Variants in CNTN5 observed in about 807,000 individuals in gnomAD.
CNTN5 encodes the protein contactin 5.
CNTN5 carries 77 observed loss-of-function variants against 129.1 expected under a neutral mutation model. The ratio of observed to expected loss-of-function variants is 0.60; its 90% CI spans 0.50 to 0.72. CNTN5 has a LOEUF of 0.72. Among genes scored for constraint, CNTN5 ranks in the 30% least tolerant of loss-of-function variants. The probability of loss-of-function intolerance (pLI) is 0.00; values close to 1 mark genes in which losing one functional copy is unlikely to be tolerated. For synonymous variants in CNTN5, 509 were observed against 465.6 expected (o/e 1.09, Z -1.20); for missense variants, 1,478 against 1,328.8 (o/e 1.11, Z -1.75).
intron 13 of CNTN5, among the ~76,000 whole-genome samples, chr11:100,182,266 C>T (rs1019811506): frequency 6.6e-5 from 10 of 152,028 alleles, no homozygotes; most frequent in Non-Finnish European, 1.3e-4. Flanking sequence ...ATATTTATAT[C>T]TCATAGTTCT....
chr11:99,322,104 T>C (rs1865598528), intron 1 of CNTN5, among the ~76,000 whole-genome samples: 1 of 152,164 alleles, frequency 6.6e-6, no homozygotes, highest in African/African-American at 2.4e-5. Context: ...TAAAACAGAA[T>C]ACCGCAGACT....
rs756775431 is a variant in CNTN5, at chr11:100,350,832, G to T, written c.3161G>T (p.Gly1054Val). ...CGAGCATATAGTGAAGGAGGAGATG[G>T]AACAGCTAGTTCTCAAATTAGGGTA... ...EVRAYSEGGD[G>V]TASSQIRVPS... is the part of the protein sequence containing the mutation. The change falls in exon 24 of 25, where the codon GGA becomes GTA. Residue 1054 changes from glycine to valine, a missense_variant. Transcript: ENST00000524871. 1 of 1,596,256 alleles carries T rather than the reference G, an allele frequency of 6.3e-7. No individual in the cohort carries two copies. The highest frequency in any genetic ancestry group is 8.6e-7 in the Non-Finnish European group (1 of 1,169,480).
At chr11:99,289,066 A>G (rs192352249) in intron 1 of CNTN5, among the ~76,000 whole-genome samples, 100 of 151,902 alleles carry the variant, frequency 6.6e-4, no homozygotes, top group African/African-American at 1.9e-3. Flanking sequence ...TTATTTTCCG[A>G]TTCTCAATTC....
chr11:99,904,582 A>G (rs1036557477), intron 6 of CNTN5, among the ~76,000 whole-genome samples: 11 of 152,156 alleles, frequency 7.2e-5, no homozygotes, highest in Non-Finnish European at 8.8e-5. Context: ...TGCTACTGTG[A>G]ATAGTGCTGC....
intron 3 of CNTN5, among the ~76,000 whole-genome samples, chr11:99,669,789 A>C (rs1363930738): frequency 2.6e-5 from 4 of 152,124 alleles, no homozygotes; most frequent in Non-Finnish European, 5.9e-5. Flanking sequence ...TCCCTAAGCC[A>C]AGTATTTAAG....
At chr11:100,221,983 T>C (rs1376883459) in intron 15 of CNTN5, among the ~76,000 whole-genome samples, 1 of 152,202 alleles carries the variant, frequency 6.6e-6, no homozygotes, top group African/African-American at 2.4e-5. Flanking sequence ...AACTGCATAC[T>C]GTGAGCTGAG....
intron 7 of CNTN5, among the ~76,000 whole-genome samples, chr11:99,955,672 C>T (rs1027916031): frequency 1.3e-5 from 2 of 152,022 alleles, no homozygotes; most frequent in Non-Finnish European, 2.9e-5. Context: ...CATTCTCCTG[C>T]CTCAGCCTCC....
chr11:99,342,524 C>T (rs1866558430), intron 2 of CNTN5, among the ~76,000 whole-genome samples: 1 of 125,972 alleles, frequency 7.9e-6, no homozygotes, highest in African/African-American at 3.5e-5. Flanking sequence ...CACTTGAGTC[C>T]AGGAGTTCAA....
chr11:99,934,916 A>G (rs1253847010), intron 7 of CNTN5, among the ~76,000 whole-genome samples: 7,389 of 28,312 alleles, frequency 0.26, 561 homozygotes, highest in East Asian at 0.43. Flanking sequence ...ATATATATAT[A>G]TATATATATA....
At chr11:99,992,261 A>C (rs1939150746) in intron 8 of CNTN5, among the ~76,000 whole-genome samples, 1 of 152,220 alleles carries the variant, frequency 6.6e-6, no homozygotes, top group Admixed American at 6.5e-5. Context: ...ATGCAACAAC[A>C]GGTATTTCAT....
At chr11:99,033,332 G>A (rs983717007) in intron 1 of CNTN5, among the ~76,000 whole-genome samples, 1 of 152,126 alleles carries the variant, frequency 6.6e-6, no homozygotes, top group Non-Finnish European at 1.5e-5. Context: ...GATGGGAGTG[G>A]CATTGAATCT....
At chr11:99,333,360 T>A (rs1157006397) in intron 2 of CNTN5, among the ~76,000 whole-genome samples, 1 of 152,130 alleles carries the variant, frequency 6.6e-6, no homozygotes, top group African/African-American at 2.4e-5. Context: ...AGCTTAAAAA[T>A]TGTAGTTGCT....
At chr11:100,018,463 T>G (rs1940950025) in intron 9 of CNTN5, among the ~76,000 whole-genome samples, 2 of 151,988 alleles carry the variant, frequency 1.3e-5, no homozygotes, top group Admixed American at 1.3e-4. Flanking sequence ...TTTAGAATTA[T>G]TATCTTAAGA....
intron 8 of CNTN5, among the ~76,000 whole-genome samples, chr11:99,968,671 T>C (rs1345200746): frequency 3.0e-5 from 4 of 135,484 alleles, no homozygotes; most frequent in Non-Finnish European, 4.7e-5. Flanking sequence ...TTTTTTTTTT[T>C]TTTTTTTTTT....
chr11:99,907,693 T>C (rs1466864139), intron 6 of CNTN5, among the ~76,000 whole-genome samples: 30 of 151,976 alleles, frequency 2.0e-4, no homozygotes, highest in Admixed American at 2.0e-3. Flanking sequence ...TTAATAGATA[T>C]ATATGACACA....
At position 99,947,464 on chromosome 11, in the gene CNTN5, C is replaced by T. The variant is rs146082359; in HGVS notation, c.674-9342C>T. On this transcript the variant is annotated intron_variant, in intron 7 of 24. Coordinates refer to ENST00000524871, the MANE Select transcript of CNTN5 (RefSeq NM_014361.4). ...ACTATTTCTTCATGGTGCATGGCAA[C>T]GTGACAAATAAATTACCTTCATTAA... Among the ~76,000 whole-genome samples the T allele has an allele frequency of 2.6e-3, 391 of 151,422 alleles. 2 individuals carry two copies. Among genetic ancestry groups the T allele is most frequent in the Middle Eastern group, 6.9e-3 (2 of 290 alleles).
At chr11:99,440,672 A>G (rs559219730) in intron 2 of CNTN5, among the ~76,000 whole-genome samples, 38 of 149,978 alleles carry the variant, frequency 2.5e-4, no homozygotes, top group African/African-American at 8.7e-4. Context: ...TTCTTACATA[A>G]CTTTTTTTTT....
At chr11:100,287,570 C>A in intron 18 of CNTN5, among the ~76,000 whole-genome samples, 3 of 148,894 alleles carry the variant, frequency 2.0e-5, no homozygotes, top group South Asian at 2.2e-4. Flanking sequence ...GAGATTTTGT[C>A]ACCACCAGGC....
At chr11:99,645,103 T>TAAAAA (rs796095561) in intron 3 of CNTN5, among the ~76,000 whole-genome samples, 6 of 144,728 alleles carry the variant, frequency 4.1e-5, no homozygotes, top group African/African-American at 1.5e-4. Flanking sequence ...GTCTCTACTT[T>TAAAAA]AAAAAAAAAA....
Sources: gnomAD v4.1 joint callset for allele counts (sites outside exome capture counted in the v4.1 genomes callset) on GRCh38, gnomAD v4.1.1 for gene constraint, MANE v1.5 for transcripts, NCBI Gene and HGNC (gene_info 2026-07-23, HGNC 2026-07-21) for gene names.